Variants in LTBP4 observed in about 807,000 individuals in gnomAD.
LTBP4 encodes the protein latent transforming growth factor beta binding protein 4, also known as latent-transforming growth factor beta-binding protein 4.
Under a neutral mutation model 180.2 loss-of-function variants are expected in LTBP4, and 93 were observed. That is an observed-to-expected ratio of 0.52 (90% CI 0.44 to 0.61). The LOEUF (loss-of-function observed/expected upper bound fraction) is 0.61, where lower values mean the gene tolerates loss of function less well. Among genes scored for constraint, LTBP4 ranks in the 20% least tolerant of loss-of-function variants. The probability of loss-of-function intolerance (pLI) is 0.00; values close to 1 mark genes in which losing one functional copy is unlikely to be tolerated. For missense variants in LTBP4, 2,116 were observed against 2,256.5 expected, an observed-to-expected ratio of 0.94 and a Z score of 1.26; for synonymous variants, 947 against 934.5, an observed-to-expected ratio of 1.01 and a Z score of -0.24.
rs992418650 is a variant in LTBP4, at chr19:40,616,894, G to T, written c.2818G>T (p.Asp940Tyr). The change falls in exon 20 of 30, where the codon GAT becomes TAT. Residue 940 changes from aspartate to tyrosine, a missense_variant. Around this residue, in one of 5 missense-constraint regions of LTBP4, gnomAD observed 877 missense variants for 873.6 expected, o/e 1.00. Coordinates refer to ENST00000396819, the MANE Select transcript of LTBP4 (RefSeq NM_001042545.2). ...ATCTCCTCCACACTCTGCAGATGTG[G>T]ATGAGTGCCAAGAATATGGTCCCGA... is the stretch of plus-strand genomic sequence containing the variant. ...AGPEGTCDDV[D>Y]ECQEYGPEIC... 24 of 1,613,960 alleles carry T rather than the reference G, an allele frequency of 1.5e-5. No homozygotes were observed. The highest frequency in any genetic ancestry group is 2.0e-5 in the Non-Finnish European group (24 of 1,179,890).
In LTBP4 at chr19:40,605,538, G is replaced by A. The variant is rs761616093; in HGVS notation, c.576G>A (p.Ala192=). 1.2e-6 allele frequency: 2 copies of A among 1,606,224 alleles called. No individual in the cohort carries two copies. Among genetic ancestry groups the A allele is most frequent in the East Asian group, 2.2e-5 (1 of 44,774 alleles). Residue 192 remains alanine (A), a synonymous_variant, in exon 3 of 30, where the codon GCG becomes GCA. Transcript: ENST00000396819. The surrounding 1 kb of genome is among the most constrained non-coding windows in gnomAD (Gnocchi z 5.5). ...CGGTGGCGCGGGCGGAAGCGGCGGCGCGGGCGGAGGCGGCAGCGCCCTACA... is the reference window on the plus strand; with the variant it reads ...CGGTGGCGCGGGCGGAAGCGGCGGCACGGGCGGAGGCGGCAGCGCCCTACA... The part of the protein sequence containing the change: ...AEAVARAEAA[A]RAEAAAPYTV...
rs190277382 is a variant in LTBP4 at position 40,627,149 on chromosome 19, C to T, written c.4160C>T (p.Pro1387Leu). ...PPALPYDPYPPPPGPFARREA... is the reference protein window; with the variant it reads ...PPALPYDPYPLPPGPFARREA... Reference sequence around the variant, plus strand: ...GCGCTACCCTACGACCCCTACCCACCGCCACCTGGGCCCTTCGCCCGCCGG... The same window carrying T: ...GCGCTACCCTACGACCCCTACCCACTGCCACCTGGGCCCTTCGCCCGCCGG... Residue 1387 changes from proline to leucine, a missense_variant, in exon 28 of 30, where the codon CCG (proline) becomes CTG (leucine). Physicochemically the swap from Pro to Leu is moderately conservative, Grantham distance 98. Transcript: ENST00000396819. The T allele has an allele frequency of 3.0e-5, 48 of 1,613,394 alleles. No homozygotes were observed. The highest frequency in any genetic ancestry group is 3.3e-4 in the Middle Eastern group (2 of 6,062).
In LTBP4 at chr19:40,627,201, C is replaced by T. The variant is rs1271493040; in HGVS notation, c.4212C>T (p.Phe1404=). ...RREAPYGAPR[F]DMPDFEDDGG... ...AGGCTCCTTATGGGGCACCCCGCTT[C>T]GACATGCCAGACTTTGAGGACGATG... Residue 1404 remains phenylalanine (F), a synonymous_variant, in exon 28 of 30, where the codon TTC becomes TTT. Transcript: ENST00000396819. 1.9e-6 allele frequency: 3 copies of T among 1,611,286 alleles called. No individual in the cohort carries two copies. The highest frequency in any genetic ancestry group is 2.5e-6 in the Non-Finnish European group (3 of 1,178,990).
Position 40,625,281 on chromosome 19 carries a change from TATATATATATATATATA to T in LTBP4, c.3833-575_3833-559del, listed in dbSNP as rs1568414374. On this transcript the variant is annotated intron_variant, in intron 26 of 29. Coordinates refer to ENST00000396819, the MANE Select transcript of LTBP4 (RefSeq NM_001042545.2). ...ATATATATATATATATATATATATA[TATATATATATATATATA>T]TATATATATATATATATATTTTTTT... Among the ~76,000 whole-genome samples, 49 of 9,804 alleles carry T rather than the reference TATATATATATATATATA, an allele frequency of 5.0e-3. 7 individuals are homozygous for T. Among genetic ancestry groups the T allele is most frequent in the African/African-American group, 0.038 (39 of 1,030 alleles). The allele number at this position is 9,804 out of a possible 152,430, so 6.4% of individuals were successfully genotyped here.
intron 19 of LTBP4, among the ~76,000 whole-genome samples, chr19:40,616,306 A>T (rs2081548493): frequency 1.4e-5 from 2 of 141,318 alleles, no homozygotes; most frequent in African/African-American, 6.3e-5. Flanking sequence ...AAAAAGAAAA[A>T]AAAGCTGGAT....
chr19:40,620,918 T>G (rs764481844), intron 22 of LTBP4, among the ~76,000 whole-genome samples: 2 of 152,054 alleles, frequency 1.3e-5, no homozygotes, highest in Admixed American at 6.6e-5. Context: ...GTCACCCAGA[T>G]AGTAAGCACA....
Position 40,616,947 on chromosome 19 carries a change from C to G in LTBP4, c.2871C>G (p.Asn957Lys). 6.2e-7 allele frequency: 1 copy of G among 1,614,018 alleles called. No individual in the cohort carries two copies. Among genetic ancestry groups the G allele is most frequent in the Non-Finnish European group, 8.5e-7 (1 of 1,179,888 alleles). ...TTTGTGGAGCCCAGCGTTGTGAGAA[C>G]ACCCCTGGCTCCTACCGCTGCACAC... ...PEICGAQRCE[N>K]TPGSYRCTPA... The change falls in exon 20 of 30, where the codon AAC becomes AAG. Residue 957 changes from asparagine to lysine, a missense_variant. Transcript: ENST00000396819.
chr19:40,599,647 C>T (rs112915686), upstream of LTBP4: 1 of 1,244,630 alleles, frequency 8.0e-7, no homozygotes. Context: ...CCCTCTCCCT[C>T]TCTCTCCCCC....
intron 29 of LTBP4, 133 bp downstream of exon 29, chr19:40,627,990 G>T: frequency 8.1e-7 from 1 of 1,239,650 alleles, no homozygotes; most frequent in Non-Finnish European, 1.1e-6. Flanking sequence ...AGCGCAAAAG[G>T]GAGGAGTAAT....
In LTBP4 at chr19:40,627,159, G is replaced by A. The variant is rs754858835; in HGVS notation, c.4170G>A (p.Gly1390=). ...ACGACCCCTACCCACCGCCACCTGGGCCCTTCGCCCGCCGGGAGGCTCCTT... is the reference window on the plus strand; with the variant it reads ...ACGACCCCTACCCACCGCCACCTGGACCCTTCGCCCGCCGGGAGGCTCCTT... The part of the protein sequence containing the change: ...LPYDPYPPPP[G]PFARREAPYG... The change falls in exon 28 of 30, where the codon GGG becomes GGA. Residue 1390 remains glycine, a synonymous_variant. Transcript: ENST00000396819. 50 of 1,611,716 alleles carry A rather than the reference G, an allele frequency of 3.1e-5. No homozygotes were observed. The Middle Eastern group carries it at 4.9e-4, about 16-fold the overall frequency.
rs2081457311 is a variant in LTBP4, at chr19:40,605,841, A to C, written c.793+10A>C. On this transcript the variant is annotated intron_variant, in intron 4 of 29. Coordinates refer to ENST00000396819, the MANE Select transcript of LTBP4 (RefSeq NM_001042545.2). The surrounding 1 kb of genome is among the most constrained non-coding windows in gnomAD (Gnocchi z 5.5). The stretch of plus-strand genomic sequence containing the variant: ...TGCTCCGAGCGCCTGGGTAAGCCCC[A>C]GGACGTCCCCGAAGTGCTCGGAGCT... 6.5e-7 allele frequency: 1 copy of C among 1,536,326 alleles called. No homozygotes were observed. The highest frequency in any genetic ancestry group is 8.7e-7 in the Non-Finnish European group (1 of 1,146,434).
rs938630641 is a variant in LTBP4, at chr19:40,627,125, C to T, written c.4136C>T (p.Ala1379Val). ...GGGCCTGAGTTGTACCCACCACCTGCGCTACCCTACGACCCCTACCCACCG... is the reference window on the plus strand; with the variant it reads ...GGGCCTGAGTTGTACCCACCACCTGTGCTACCCTACGACCCCTACCCACCG... ...PYGPELYPPP[A>V]LPYDPYPPPP... The change falls in exon 28 of 30, where the codon GCG becomes GTG. Residue 1379 changes from alanine to valine, a missense_variant. Ala to Val is a moderately conservative substitution (Grantham distance 64). This residue lies in a region of LTBP4 where 488 missense variants were observed against 458.8 expected (regional missense o/e 1.06). Transcript: ENST00000396819. The T allele has an allele frequency of 1.1e-5, 17 of 1,613,898 alleles. No individual in the cohort carries two copies. Among genetic ancestry groups the T allele is most frequent in the African/African-American group, 1.3e-5 (1 of 75,048 alleles).
At chr19:40,623,888 A>G in intron 25 of LTBP4, 48 bp from the exon 26 acceptor site, 1 of 1,605,988 alleles carries the variant, frequency 6.2e-7, no homozygotes, top group Non-Finnish European at 8.5e-7. Flanking sequence ...GAAATGGGAA[A>G]GGGTGGGGAG....
intron 1 of LTBP4, among the ~76,000 whole-genome samples, chr19:40,601,880 T>C (rs985654407): frequency 1.3e-5 from 2 of 151,954 alleles, no homozygotes; most frequent in African/African-American, 2.4e-5. Flanking sequence ...CGTGAGGGAA[T>C]TGGCGCCAGC....
At chr19:40,625,271 TATATATATATATATATATATA>T (rs2081617903) in intron 26 of LTBP4, among the ~76,000 whole-genome samples, 1 of 5,852 alleles carries the variant, frequency 1.7e-4, no homozygotes, top group Non-Finnish European at 3.2e-4. Context: ...TATATATATA[TATATATATATATATATATATA>T]TATATATATA....
At position 40,620,937 on chromosome 19, in the gene LTBP4, C is replaced by T. The variant is rs114126460; in HGVS notation, c.3217+1444C>T. Reference sequence around the variant, plus strand: ...CCCAGATAGTAAGCACAGTACCCAACAGCCAGTTTTTTTTTTTCTTTGAGA... The same window carrying T: ...CCCAGATAGTAAGCACAGTACCCAATAGCCAGTTTTTTTTTTTCTTTGAGA... On this transcript the variant is annotated intron_variant, in intron 22 of 29. Coordinates refer to ENST00000396819, the MANE Select transcript of LTBP4 (RefSeq NM_001042545.2). Among the ~76,000 whole-genome samples, 640 of 151,904 alleles carry T rather than the reference C, an allele frequency of 4.2e-3. 2 individuals carry two copies. The highest frequency in any genetic ancestry group is 0.015 in the African/African-American group (627 of 41,434).
chr19:40,593,221 G>A, intron 1 of LTBP4: 1 of 1,612,532 alleles, frequency 6.2e-7, no homozygotes. Flanking sequence ...AAATAGCTGT[G>A]CACCTCAAAC....
Position 40,629,597 on chromosome 19 carries a change from C to A in LTBP4, c.*47C>A. 1 of 1,333,590 alleles carries A rather than the reference C, an allele frequency of 7.5e-7. No individual in the cohort carries two copies. The highest frequency in any genetic ancestry group is 1.6e-5 in the African/African-American group (1 of 63,968). 82.6% of individuals were successfully genotyped at this position (1,333,590 alleles called of 1,614,324 possible). ...CCACCCGCGCCCGCCACTCGGGGCC[C>A]CTGCCGCGCATCCTGCAGCCCGCTT... On this transcript the variant is annotated 3_prime_UTR_variant, in exon 30 of 30. Transcript: ENST00000396819. This position sits in a 1 kb window ranked among gnomAD's most constrained non-coding sequence, Gnocchi z 4.5.
intron 11 of LTBP4, 185 bp downstream of exon 11, chr19:40,610,056 C>T (rs1568405779): frequency 2.6e-6 from 2 of 766,288 alleles, no homozygotes; most frequent in African/African-American, 1.8e-5. Flanking sequence ...CCTTTGACCC[C>T]ACCCCTACCC....
Sources: allele counts gnomAD v4.1 joint callset (sites outside exome capture counted in the v4.1 genomes callset), GRCh38; gene constraint gnomAD v4.1.1; regional missense constraint gnomAD v4.1.1; non-coding constraint Gnocchi (gnomAD v3.1); transcripts MANE v1.5; gene names NCBI Gene and HGNC (gene_info 2026-07-23, HGNC 2026-07-21).